Variants in SEC23B observed in about 807,000 individuals in gnomAD.
The protein encoded by SEC23B is protein transport protein Sec23B.
Under a neutral mutation model 104.3 loss-of-function variants are expected in SEC23B, and 77 were observed. That is an observed-to-expected ratio of 0.74 (90% confidence interval 0.61 to 0.89). SEC23B has a LOEUF of 0.89. Ranked by LOEUF, SEC23B falls within the 40% of genes least tolerant of loss-of-function variation. The pLI, the probability that SEC23B is intolerant of heterozygous loss-of-function variation, is 0.00. For missense variants in SEC23B, 885 were observed against 949.4 expected, an observed-to-expected ratio of 0.93 and a Z score of 0.89; for synonymous variants, 338 against 332.5, an observed-to-expected ratio of 1.02 and a Z score of -0.18.
intron 17 of SEC23B, among the ~76,000 whole-genome samples, chr20:18,552,635 G>A (rs559579748): frequency 3.9e-5 from 6 of 152,082 alleles, no homozygotes; most frequent in Non-Finnish European, 8.8e-5. Context: ...CCAACATAGC[G>A]AAACCCTGTC....
Position 18,541,542 on chromosome 20 carries a change from G to A in SEC23B, c.1405-754G>A, listed in dbSNP as rs1050928651. 2.0e-4 allele frequency among the ~76,000 whole-genome samples: 30 copies of A among 152,322 alleles called. No individual in the cohort carries two copies. In the South Asian group the frequency reaches 2.1e-3, roughly 11 times the overall value. On this transcript the variant is annotated intron_variant, in intron 12 of 19. Transcript: ENST00000650089. Reference sequence around the variant, plus strand: ...GAGGGCATTGTAGGGTTATTAACTGGCCTCATTTCAATATTGTTGTATCTC... The same window carrying A: ...GAGGGCATTGTAGGGTTATTAACTGACCTCATTTCAATATTGTTGTATCTC...
At chr20:18,518,582 G>GTTTTTTGT (rs2060052910) in intron 4 of SEC23B, among the ~76,000 whole-genome samples, 1 of 92,658 alleles carries the variant, frequency 1.1e-5, no homozygotes, top group Non-Finnish European at 2.0e-5. Context: ...CTGGAAGGAG[G>GTTTTTTGT]TTTTTTTTTT....
intron 19 of SEC23B, 79 bp downstream of exon 19, chr20:18,555,252 T>G (rs1051046128): frequency 2.4e-5 from 29 of 1,224,326 alleles, no homozygotes; most frequent in Admixed American, 3.5e-5. Flanking sequence ...ACAAATTGGA[T>G]CTCTTTTGGC....
chr20:18,550,972 C>T, intron 16 of SEC23B, 117 bp from the exon 17 acceptor site: 1 of 757,740 alleles, frequency 1.3e-6, no homozygotes, highest in Admixed American at 1.8e-5. Flanking sequence ...GTGCTGGGCA[C>T]CATTTGTAAA....
At chr20:18,539,543 C>G (rs1194978522) in intron 12 of SEC23B, among the ~76,000 whole-genome samples, 2 of 148,054 alleles carry the variant, frequency 1.4e-5, no homozygotes, top group South Asian at 4.6e-4. Context: ...TGGGGTCTCT[C>G]TTTGTTGCCC....
chr20:18,559,879 G>A (rs1471542189), intron 19 of SEC23B, among the ~76,000 whole-genome samples: 1 of 151,994 alleles, frequency 6.6e-6, no homozygotes, highest in Non-Finnish European at 1.5e-5. Context: ...GTTTTCAGTT[G>A]TACTTAGTGG....
chr20:18,524,919 CTT>C lies in SEC23B; in HGVS notation c.604-5_604-4del, dbSNP rs750339397. ...TGTCATTGGAAATGAATCTTTTTGG[CTT>C]TTTTTTTTTTAAGGATATGTTGGGC... On this transcript the variant is annotated splice_polypyrimidine_tract_variant and intron_variant, in intron 5 of 19. Transcript: ENST00000650089. The C allele has an allele frequency of 7.9e-5, 106 of 1,343,448 alleles. No individual in the cohort carries two copies. Among genetic ancestry groups the C allele is most frequent in the South Asian group, 1.8e-4 (15 of 81,932 alleles). The allele number at this position is 1,343,448 out of a possible 1,614,324, so 83.2% of individuals were successfully genotyped here. A position where few individuals can be genotyped will look rare whatever the true frequency, so the allele number is the denominator to read the frequency against.
At chr20:18,513,787 A>AATTT (rs2060001730) in intron 3 of SEC23B, among the ~76,000 whole-genome samples, 1 of 152,184 alleles carries the variant, frequency 6.6e-6, no homozygotes, top group Non-Finnish European at 1.5e-5. Context: ...TGTTTAATAT[A>AATTT]ATTTATTATA....
chr20:18,543,409 T>G (rs966895923), intron 14 of SEC23B, among the ~76,000 whole-genome samples: 2 of 152,164 alleles, frequency 1.3e-5, no homozygotes, highest in African/African-American at 4.8e-5. Context: ...GTGATACAAA[T>G]CTGTGTGGGT....
chr20:18,519,113 G>A (rs970767268), intron 4 of SEC23B, among the ~76,000 whole-genome samples: 8 of 152,144 alleles, frequency 5.3e-5, no homozygotes, highest in South Asian at 2.1e-4. Context: ...GGTGTGTGGC[G>A]ATTAGGCCTG....
intron 12 of SEC23B, among the ~76,000 whole-genome samples, chr20:18,540,542 T>C (rs2060278378): frequency 6.6e-6 from 1 of 152,200 alleles, no homozygotes; most frequent in Admixed American, 6.5e-5. Context: ...GAATGGTAAA[T>C]GAGCATTGGC....
At chr20:18,523,590 A>C (rs1211835506) in intron 4 of SEC23B, among the ~76,000 whole-genome samples, 1 of 151,324 alleles carries the variant, frequency 6.6e-6, no homozygotes, top group Non-Finnish European at 1.5e-5. Context: ...TTTAGTACAG[A>C]TAGGGTTTCA....
intron 8 of SEC23B, among the ~76,000 whole-genome samples, chr20:18,527,080 G>T (rs2060140711): frequency 6.6e-6 from 1 of 152,258 alleles, no homozygotes; most frequent in African/African-American, 2.4e-5. Flanking sequence ...AGCTGGGCAT[G>T]GTGGCATGTG....
chr20:18,510,459 A>AT (rs2059971644), intron 1 of SEC23B, among the ~76,000 whole-genome samples: 1 of 152,226 alleles, frequency 6.6e-6, no homozygotes, highest in South Asian at 2.1e-4. Flanking sequence ...CTTCCCAAGT[A>AT]TTTAAGAAAC....
chr20:18,561,062 A>G lies in SEC23B; in HGVS notation c.*322A>G, dbSNP rs1349824552. ...TGAGAATCTTAATGATCATAAAGGA[A>G]ATAAATCTAGATGCAGAAAGTACTG... On this transcript the variant is annotated 3_prime_UTR_variant, in exon 20 of 20. Transcript: ENST00000650089. 8 of 347,102 alleles carry G rather than the reference A, an allele frequency of 2.3e-5. No individual in the cohort carries two copies. Among genetic ancestry groups the G allele is most frequent in the African/African-American group, 1.7e-4 (8 of 47,020 alleles). 21.5% of individuals were successfully genotyped at this position (347,102 alleles called of 1,614,324 possible).
At chr20:18,545,615 TGTTA>T (rs758888567) in intron 14 of SEC23B, among the ~76,000 whole-genome samples, 6 of 152,170 alleles carry the variant, frequency 3.9e-5, no homozygotes, top group Non-Finnish European at 7.3e-5. Context: ...TAACTATAAT[TGTTA>T]GTTTTCATGG....
intron 2 of SEC23B, among the ~76,000 whole-genome samples, chr20:18,512,021 T>G (rs1309048135): frequency 6.6e-6 from 1 of 152,232 alleles, no homozygotes; most frequent in East Asian, 1.9e-4. Flanking sequence ...TGTGGCTGTT[T>G]GATGGAAATT....
chr20:18,514,960 G>A (rs1289191106), intron 3 of SEC23B, among the ~76,000 whole-genome samples: 1 of 152,126 alleles, frequency 6.6e-6, no homozygotes, highest in African/African-American at 2.4e-5. Flanking sequence ...AACTATTGAT[G>A]AGATAGGTGA....
intron 14 of SEC23B, 114 bp from the exon 15 acceptor site, chr20:18,545,842 A>G: frequency 1.3e-6 from 1 of 751,340 alleles, no homozygotes; most frequent in South Asian, 1.4e-5. Context: ...AGTAAGTGGC[A>G]GAGTTCAGAC....
Sources: allele counts gnomAD v4.1 joint callset (sites outside exome capture counted in the v4.1 genomes callset), GRCh38; gene constraint gnomAD v4.1.1; transcripts MANE v1.5; gene names NCBI Gene and HGNC (gene_info 2026-07-23, HGNC 2026-07-21).